The following UVRAG variants were observed in gnomAD, a reference collection of about 807,000 sequenced individuals.
UVRAG encodes the protein UV radiation resistance associated.
A neutral mutation model predicts 78.0 loss-of-function variants in UVRAG; 19 were observed. That is an observed-to-expected ratio of 0.24 (90% CI 0.17 to 0.36). UVRAG has a LOEUF of 0.36. Ranked by LOEUF, UVRAG falls within the 10% of genes least tolerant of loss-of-function variation. The probability of loss-of-function intolerance (pLI) is 1.00; values close to 1 mark genes in which losing one functional copy is unlikely to be tolerated. For missense variants in UVRAG, 740 were observed against 853.8 expected (o/e 0.87, Z 1.66); for synonymous variants, 323 against 324.6 (o/e 1.00, Z 0.05).
At chr11:75,965,404 C>T (rs1023342898) in intron 7 of UVRAG, among the ~76,000 whole-genome samples, 3 of 152,196 alleles carry the variant, frequency 2.0e-5, no homozygotes, top group African/African-American at 4.8e-5. Context: ...CTCCGACTTC[C>T]GGGTTCACAC....
chr11:75,990,684 A>G (rs1321394591), intron 8 of UVRAG, among the ~76,000 whole-genome samples: 1 of 152,136 alleles, frequency 6.6e-6, no homozygotes, highest in African/African-American at 2.4e-5. Flanking sequence ...TCACCAGGAA[A>G]CCATCACTGG....
intron 3 of UVRAG, among the ~76,000 whole-genome samples, chr11:75,865,067 C>G (rs1946507894): frequency 1.3e-5 from 2 of 152,018 alleles, no homozygotes; most frequent in South Asian, 4.1e-4. Context: ...GCGGGCGGAT[C>G]ATCTGAGGTC....
chr11:75,874,724 GTAAT>G (rs1946727929), intron 3 of UVRAG, among the ~76,000 whole-genome samples: 1 of 152,174 alleles, frequency 6.6e-6, no homozygotes, highest in South Asian at 2.1e-4. Context: ...AGCTATTGCT[GTAAT>G]TAGTTTTTTA....
At chr11:76,074,765 A>T (rs1951375266) in intron 13 of UVRAG, among the ~76,000 whole-genome samples, 1 of 152,204 alleles carries the variant, frequency 6.6e-6, no homozygotes, top group Non-Finnish European at 1.5e-5. Flanking sequence ...CAATTCTGTG[A>T]GTTAGACAGG....
intron 4 of UVRAG, among the ~76,000 whole-genome samples, chr11:75,888,424 G>C (rs991541684): frequency 6.6e-6 from 1 of 152,132 alleles, no homozygotes. Flanking sequence ...GAATATAGGC[G>C]TGAGCTACTG....
At chr11:76,121,978 G>A (rs1410798876) in intron 14 of UVRAG, among the ~76,000 whole-genome samples, 1 of 152,138 alleles carries the variant, frequency 6.6e-6, no homozygotes, top group Non-Finnish European at 1.5e-5. Context: ...TCATCTCTGT[G>A]GTCCCAGCCT....
chr11:76,015,178 T>C (rs978852333), intron 11 of UVRAG, among the ~76,000 whole-genome samples: 9 of 152,168 alleles, frequency 5.9e-5, no homozygotes, highest in Admixed American at 1.3e-4. Flanking sequence ...GTGTGTCATA[T>C]GCTTGGTACA....
chr11:76,045,529 T>A (rs1323025114), intron 12 of UVRAG, among the ~76,000 whole-genome samples: 1 of 152,188 alleles, frequency 6.6e-6, no homozygotes, highest in African/African-American at 2.4e-5. Context: ...GGATTTTTTT[T>A]AGGAGACTTT....
intron 12 of UVRAG, among the ~76,000 whole-genome samples, chr11:76,058,028 T>C (rs889039446): frequency 3.9e-5 from 6 of 152,098 alleles, no homozygotes; most frequent in Admixed American, 2.0e-4. Context: ...TTAACACTTA[T>C]CATAGCCAAC....
chr11:75,883,369 C>CAAAAAAAAAAAA (rs561377655), intron 4 of UVRAG, among the ~76,000 whole-genome samples: 2 of 48,252 alleles, frequency 4.1e-5, no homozygotes, highest in African/African-American at 5.5e-5. Context: ...TAACAGAGAA[C>CAAAAAAAAAAAA]AAAAAAAAAA....
chr11:75,825,997 C>T (rs564164872), intron 1 of UVRAG, among the ~76,000 whole-genome samples: 11 of 151,728 alleles, frequency 7.2e-5, no homozygotes, highest in South Asian at 2.1e-4. Flanking sequence ...CCAGCACGCT[C>T]GGCTAATTTT....
At chr11:75,941,948 G>A (rs1313321895) in intron 6 of UVRAG, among the ~76,000 whole-genome samples, 2 of 152,008 alleles carry the variant, frequency 1.3e-5, no homozygotes, top group Non-Finnish European at 2.9e-5. Flanking sequence ...GATATGAAGG[G>A]TGCTAAAGCT....
chr11:75,920,008 G>GTTTTTTTTTTTTTTT lies in UVRAG; in HGVS notation c.593+7990_593+8004dup, dbSNP rs140217190. ...CAAAATTTAAAATAAAATAATTTTG[G>GTTTTTTTTTTTTTTT]TTTTTTTTTTTTTTTTTTTTTTTTT... On this transcript the variant is annotated intron_variant, in intron 6 of 14. Coordinates refer to ENST00000356136, the MANE Select transcript of UVRAG (RefSeq NM_003369.4). Among the ~76,000 whole-genome samples, 11 of 55,490 alleles carry GTTTTTTTTTTTTTTT rather than the reference G, an allele frequency of 2.0e-4. 1 individual carries two copies. The highest frequency in any genetic ancestry group is 1.3e-3 in the East Asian group (2 of 1,576). 36.4% of individuals were successfully genotyped at this position (55,490 alleles called of 152,430 possible). A position where few individuals can be genotyped will look rare whatever the true frequency, so the allele number is the denominator to read the frequency against.
intron 3 of UVRAG, among the ~76,000 whole-genome samples, chr11:75,877,195 A>G (rs143197725): frequency 0.074 from 11,108 of 150,918 alleles, 660 homozygotes; most frequent in African/African-American, 0.17. Flanking sequence ...GGATCCCAAG[A>G]CAGAAGAATT....
At chr11:76,082,097 C>A (rs1310850022) in intron 13 of UVRAG, among the ~76,000 whole-genome samples, 1 of 152,078 alleles carries the variant, frequency 6.6e-6, no homozygotes, top group Non-Finnish European at 1.5e-5. Flanking sequence ...GAGAAAGGGG[C>A]TTGTGGAAGG....
At chr11:76,038,332 A>G (rs765592488) in intron 12 of UVRAG, among the ~76,000 whole-genome samples, 1 of 152,266 alleles carries the variant, frequency 6.6e-6, no homozygotes, top group Non-Finnish European at 1.5e-5. Context: ...CTTCCTTTCA[A>G]ATTTCCTGGG....
At chr11:76,093,624 T>G (rs779500770) in intron 13 of UVRAG, among the ~76,000 whole-genome samples, 48 of 152,354 alleles carry the variant, frequency 3.2e-4, no homozygotes, top group Non-Finnish European at 6.0e-4. Context: ...GAAGCAGTTG[T>G]GAATGGGAGT....
At chr11:75,822,266 CTTT>C (rs964293311) in intron 1 of UVRAG, among the ~76,000 whole-genome samples, 18 of 152,272 alleles carry the variant, frequency 1.2e-4, no homozygotes, top group African/African-American at 4.1e-4. Flanking sequence ...TTGATTCTAA[CTTT>C]TATCATCACC....
chr11:75,926,721 G>A (rs764043231), intron 6 of UVRAG, among the ~76,000 whole-genome samples: 23 of 152,126 alleles, frequency 1.5e-4, no homozygotes, highest in East Asian at 5.8e-4. Context: ...GGAAAGAGCC[G>A]GGGAGATGGC....
Sources: allele counts gnomAD v4.1 joint callset (sites outside exome capture counted in the v4.1 genomes callset), GRCh38; gene constraint gnomAD v4.1.1; transcripts MANE v1.5; gene names NCBI Gene and HGNC (gene_info 2026-07-23, HGNC 2026-07-21).